Variants in RUBCN observed in about 807,000 individuals in gnomAD.
RUBCN encodes the protein rubicon autophagy regulator.
RUBCN carries 74 observed loss-of-function variants against 113.2 expected under a neutral mutation model. The observed-to-expected ratio is 0.65, with a 90% confidence interval of 0.54 to 0.79. The LOEUF is 0.79. Ranked by LOEUF, RUBCN falls within the 30% of genes least tolerant of loss-of-function variation. The probability of loss-of-function intolerance (pLI) is 0.00; values close to 1 mark genes in which losing one functional copy is unlikely to be tolerated. For missense variants in RUBCN, 1,109 were observed against 1,251.7 expected, an observed-to-expected ratio of 0.89 and a Z score of 1.72; for synonymous variants, 480 against 490.0, an observed-to-expected ratio of 0.98 and a Z score of 0.27.
chr3:197,676,640 G>T (rs996639701), intron 18 of RUBCN: 45 of 1,382,498 alleles, frequency 3.3e-5, no homozygotes, highest in Non-Finnish European at 4.2e-5. Context: ...AGTCTACTCG[G>T]TCTTGCCCGG....
chr3:197,673,661 C>CG lies in RUBCN; in HGVS notation c.*1356dup, dbSNP rs1360929456. On this transcript the variant is annotated 3_prime_UTR_variant, in exon 20 of 20. Transcript: ENST00000296343. ...ACTTCACTGTCAACACACACATTAA[C>CG]GGGGGGGAAGGGGGAGGCAGCACAC... 6 of 149,700 alleles carry CG rather than the reference C, an allele frequency of 4.0e-5. No homozygotes were observed. Among genetic ancestry groups the CG allele is most frequent in the African/African-American group, 1.0e-4 (4 of 40,108 alleles). The allele number at this position is 149,700 out of a possible 1,614,324, so 9.3% of individuals were successfully genotyped here.
At chr3:197,730,394 G>A (rs1446418488) in intron 1 of RUBCN, among the ~76,000 whole-genome samples, 2 of 152,130 alleles carry the variant, frequency 1.3e-5, no homozygotes, top group Non-Finnish European at 2.9e-5. Context: ...GAGCTGCTGG[G>A]ACTGCATCTT....
chr3:197,692,003 T>C (rs1270988900), intron 11 of RUBCN, among the ~76,000 whole-genome samples: 1 of 152,080 alleles, frequency 6.6e-6, no homozygotes, highest in African/African-American at 2.4e-5. Context: ...TTTATGCTAA[T>C]GAGGAGACTC....
chr3:197,695,845 A>G, intron 9 of RUBCN, 21 bp downstream of exon 9: 1 of 1,609,584 alleles, frequency 6.2e-7, no homozygotes, highest in Non-Finnish European at 8.5e-7. Flanking sequence ...TGAGCTCTTC[A>G]TGAGGCCCTC....
chr3:197,705,288 A>G lies in RUBCN; in HGVS notation c.220-113T>C, dbSNP rs147662250. ...ACCACAACCTTCCCTTGCCTCATCAAAGGTTCTTAGCAGCAATCAAAGGAT... is the reference window on the plus strand; with the variant it reads ...ACCACAACCTTCCCTTGCCTCATCAGAGGTTCTTAGCAGCAATCAAAGGAT... On this transcript the variant is annotated intron_variant, in intron 2 of 19. Coordinates refer to ENST00000296343, the MANE Select transcript of RUBCN (RefSeq NM_014687.4). 147 of 933,592 alleles carry G rather than the reference A, an allele frequency of 1.6e-4. 2 individuals carry two copies. In the Admixed American group the frequency reaches 2.8e-3, roughly 18 times the overall value. 57.8% of individuals were successfully genotyped at this position (933,592 alleles called of 1,614,324 possible).
chr3:197,743,460 A>T (rs1221079632), intron 1 of RUBCN, among the ~76,000 whole-genome samples: 1 of 152,348 alleles, frequency 6.6e-6, no homozygotes, highest in East Asian at 1.9e-4. Flanking sequence ...AAATGAACAA[A>T]CAAATTTTGA....
rs1553886796 is a variant in RUBCN at position 197,673,661 on chromosome 3, C to CA, written c.*1356_*1357insT. ...ACTTCACTGTCAACACACACATTAA[C>CA]GGGGGGGAAGGGGGAGGCAGCACAC... On this transcript the variant is annotated 3_prime_UTR_variant, in exon 20 of 20. Transcript: ENST00000296343. The CA allele has an allele frequency of 6.7e-6, 1 of 149,600 alleles. No homozygotes were observed. The highest frequency in any genetic ancestry group is 1.5e-5 in the Non-Finnish European group (1 of 68,454). The allele number at this position is 149,600 out of a possible 1,614,324, so 9.3% of individuals were successfully genotyped here. A position where few individuals can be genotyped will look rare whatever the true frequency, so the allele number is the denominator to read the frequency against.
rs1720141117 is a variant in RUBCN, at chr3:197,674,741, A to G, written c.*277T>C. 2.0e-6 allele frequency: 1 copy of G among 490,596 alleles called. No individual in the cohort carries two copies. The allele number at this position is 490,596 out of a possible 1,614,324, so 30.4% of individuals were successfully genotyped here. A position where few individuals can be genotyped will look rare whatever the true frequency, so the allele number is the denominator to read the frequency against. On this transcript the variant is annotated 3_prime_UTR_variant, in exon 20 of 20. Coordinates refer to ENST00000296343, the MANE Select transcript of RUBCN (RefSeq NM_014687.4). ...GTCTTGCTGTCTCTTCCACTGACAG[A>G]GGCACTAGAAGCTTCACTGAAGGAC...
intron 5 of RUBCN, among the ~76,000 whole-genome samples, chr3:197,702,682 T>C (rs934040328): frequency 6.6e-6 from 1 of 151,960 alleles, no homozygotes; most frequent in Non-Finnish European, 1.5e-5. Flanking sequence ...ATAATAATAA[T>C]GATAATAATT....
chr3:197,688,060 CTT>C (rs1443517161), intron 11 of RUBCN, among the ~76,000 whole-genome samples: 1 of 152,186 alleles, frequency 6.6e-6, no homozygotes, highest in South Asian at 2.1e-4. Flanking sequence ...AAGTTTCACT[CTT>C]GTCACCCAGG....
intron 1 of RUBCN, among the ~76,000 whole-genome samples, chr3:197,732,694 C>T (rs1727658651): frequency 6.6e-6 from 1 of 152,110 alleles, no homozygotes; most frequent in Admixed American, 6.6e-5. Context: ...TCCCTAAGCC[C>T]CAGAGCATCT....
chr3:197,684,173 CG>C lies in RUBCN; in HGVS notation c.1830del (p.Phe610LeufsTer25), dbSNP rs749774499. 2 of 1,612,590 alleles carry C rather than the reference CG, an allele frequency of 1.2e-6. No homozygotes were observed. Among genetic ancestry groups the C allele is most frequent in the South Asian group, 2.2e-5 (2 of 91,044 alleles). On this transcript the variant is annotated frameshift_variant, in exon 12 of 20. Coordinates refer to ENST00000296343, the MANE Select transcript of RUBCN (RefSeq NM_014687.4). LOFTEE classifies it high-confidence loss of function. ...AGTACTCACAAGGACTGGGAGGAAA[CG>C]AAGGATTTGCTGCTTGAGGCTGTGT... The part of the protein sequence containing the change: ...RRNTASSSKS[F>X]VSSQSFSHCF...
intron 16 of RUBCN, among the ~76,000 whole-genome samples, chr3:197,679,694 C>G (rs1293731216): frequency 2.7e-5 from 4 of 147,122 alleles, no homozygotes; most frequent in Non-Finnish European, 4.5e-5. Flanking sequence ...CCAGACTGTC[C>G]TATGCTCTAA....
In RUBCN at chr3:197,705,192, T is replaced by C. The variant is rs58507505; in HGVS notation, c.220-17A>G. On this transcript the variant is annotated splice_polypyrimidine_tract_variant and intron_variant, in intron 2 of 19. Transcript: ENST00000296343. ...GCGGCACGCCTGCAAAGGGAACACA[T>C]ACAATGAGCAAATCACGACCATTCT... 0.19 allele frequency: 302,973 copies of C among 1,604,828 alleles called. 31,056 individuals are homozygous for C. Among genetic ancestry groups the C allele is most frequent in the African/African-American group, 0.37 (27,702 of 74,686 alleles).
upstream of RUBCN, among the ~76,000 whole-genome samples, chr3:197,740,911 G>A (rs925332005): frequency 6.6e-6 from 1 of 152,132 alleles, no homozygotes; most frequent in African/African-American, 2.4e-5. Flanking sequence ...GTGAGCCACT[G>A]CACACAGCCC....
At chr3:197,718,253 AT>A in intron 1 of RUBCN, 123 bp from the exon 2 acceptor site, 1 of 1,052,846 alleles carries the variant, frequency 9.5e-7, no homozygotes, top group Non-Finnish European at 1.5e-6. Context: ...TCCCCTCTTA[AT>A]TTTTACTTGG....
chr3:197,704,658 G>A lies in RUBCN; in HGVS notation c.347C>T (p.Ala116Val), dbSNP rs781336664. Residue 116 changes from alanine (A) to valine (V), a missense_variant, in exon 4 of 20, where the codon GCC (alanine) becomes GTC (valine). Ala to Val is a moderately conservative substitution (Grantham distance 64). This residue lies in a region of RUBCN where 736 missense variants were observed against 779.6 expected (regional missense o/e 0.94). Coordinates refer to ENST00000296343, the MANE Select transcript of RUBCN (RefSeq NM_014687.4). ...CAGCTCGGCAACAGCACGTTCACTG[G>A]CACCATCAGCACTGCTCTGGTCGTT... is the stretch of plus-strand genomic sequence containing the variant. Reference protein sequence around the residue: ...HENDQSSADGASERAVAELWL... With the variant: ...HENDQSSADGVSERAVAELWL... The A allele has an allele frequency of 2.5e-6, 4 of 1,614,126 alleles. No individual in the cohort carries two copies. The highest frequency in any genetic ancestry group is 1.1e-5 in the South Asian group (1 of 91,084).
intron 11 of RUBCN, among the ~76,000 whole-genome samples, chr3:197,686,940 C>T (rs1183209034): frequency 3.3e-5 from 5 of 152,134 alleles, no homozygotes; most frequent in Admixed American, 3.3e-4. Flanking sequence ...AATATAAAAA[C>T]AAGTAACAAC....
Position 197,681,771 on chromosome 3 carries a change from C to A in RUBCN, c.2191+64G>T. 1.4e-6 allele frequency: 2 copies of A among 1,421,710 alleles called. No homozygotes were observed. The highest frequency in any genetic ancestry group is 2.3e-5 in the South Asian group (2 of 87,256). 88.1% of individuals were successfully genotyped at this position (1,421,710 alleles called of 1,614,324 possible). A position where few individuals can be genotyped will look rare whatever the true frequency, so the allele number is the denominator to read the frequency against. On this transcript the variant is annotated intron_variant, in intron 15 of 19. Transcript: ENST00000296343. The surrounding 1 kb of genome is among the most constrained non-coding windows in gnomAD (Gnocchi z 5.5). Reference sequence around the variant, plus strand: ...CTACCGCCTTTGACACGCCACCTCTCCCTACGTGTCGGGGAGGGTACAGAG... The same window carrying A: ...CTACCGCCTTTGACACGCCACCTCTACCTACGTGTCGGGGAGGGTACAGAG...
Sources: allele counts gnomAD v4.1 joint callset (sites outside exome capture counted in the v4.1 genomes callset), GRCh38; gene constraint gnomAD v4.1.1; regional missense constraint gnomAD v4.1.1; non-coding constraint Gnocchi (gnomAD v3.1); transcripts MANE v1.5; gene names NCBI Gene and HGNC (gene_info 2026-07-23, HGNC 2026-07-21).